GRIN2A: variants seen among roughly 807,000 people sequenced by gnomAD.
GRIN2A encodes the protein glutamate receptor ionotropic, NMDA 2A.
A neutral mutation model predicts 113.4 loss-of-function variants in GRIN2A; 22 were observed. The observed-to-expected ratio is 0.19, with a 90% confidence interval of 0.14 to 0.28. The LOEUF (loss-of-function observed/expected upper bound fraction) is 0.28, where lower values mean the gene tolerates loss of function less well. Among genes scored for constraint, GRIN2A ranks in the 10% least tolerant of loss-of-function variants. The pLI is 1.00. For missense variants in GRIN2A, 1,502 were observed against 1,887.0 expected (o/e 0.80, Z 3.78); for synonymous variants, 827 against 738.4 (o/e 1.12, Z -1.94).
At chr16:10,110,830 G>C (rs548326617) in intron 2 of GRIN2A, among the ~76,000 whole-genome samples, 120 of 152,334 alleles carry the variant, frequency 7.9e-4, no homozygotes, top group South Asian at 2.3e-3. Context: ...AAAGATGAAA[G>C]GAGCTGAGCC....
chr16:10,045,712 C>A (rs2047246332), intron 2 of GRIN2A, among the ~76,000 whole-genome samples: 1 of 152,250 alleles, frequency 6.6e-6, no homozygotes, highest in Non-Finnish European at 1.5e-5. Context: ...CATCAGTCAT[C>A]AAAAATGTGC....
In GRIN2A at chr16:9,846,035, A is replaced by C. The variant is rs567753622; in HGVS notation, c.1328+3721T>G. 9.8e-5 allele frequency among the ~76,000 whole-genome samples: 15 copies of C among 152,360 alleles called. No individual in the cohort carries two copies. The South Asian group carries it at 3.1e-3, about 32-fold the overall frequency. On this transcript the variant is annotated intron_variant, in intron 5 of 12. Transcript: ENST00000330684. Reference sequence around the variant, plus strand: ...GTATTAAAACAATTTATTTATAACAATTTTACTTATAACAATGTCTGTGTT... The same window carrying C: ...GTATTAAAACAATTTATTTATAACACTTTTACTTATAACAATGTCTGTGTT...
chr16:10,062,970 A>C (rs2047574428), intron 2 of GRIN2A, among the ~76,000 whole-genome samples: 1 of 152,202 alleles, frequency 6.6e-6, no homozygotes, highest in African/African-American at 2.4e-5. Context: ...ACATGGAATC[A>C]ACCTAGGTGC....
intron 2 of GRIN2A, among the ~76,000 whole-genome samples, chr16:10,081,826 T>A (rs929237794): frequency 6.6e-6 from 1 of 152,082 alleles, no homozygotes; most frequent in Non-Finnish European, 1.5e-5. Context: ...TTAAAATAAG[T>A]AGGAACCTCC....
intron 3 of GRIN2A, among the ~76,000 whole-genome samples, chr16:9,912,210 AATG>A (rs1328741057): frequency 6.6e-6 from 1 of 152,088 alleles, no homozygotes; most frequent in African/African-American, 2.4e-5. Context: ...TAATTATGGC[AATG>A]ATGATGATGG....
intron 2 of GRIN2A, among the ~76,000 whole-genome samples, chr16:10,034,448 C>T (rs2046986320): frequency 6.7e-6 from 1 of 149,752 alleles, no homozygotes; most frequent in Non-Finnish European, 1.5e-5. Flanking sequence ...GTGCTTGAAC[C>T]CAGGAGGCGG....
intron 2 of GRIN2A, among the ~76,000 whole-genome samples, chr16:9,964,863 A>G (rs1366395333): frequency 1.3e-5 from 2 of 152,224 alleles, no homozygotes; most frequent in African/African-American, 4.8e-5. Context: ...ACATATTCAC[A>G]GCATGGACAT....
intron 10 of GRIN2A, among the ~76,000 whole-genome samples, chr16:9,809,180 G>A (rs1176935763): frequency 2.0e-5 from 3 of 152,206 alleles, no homozygotes; most frequent in Non-Finnish European, 4.4e-5. Context: ...AGCACTTTGG[G>A]AGGCCGAAGT....
chr16:9,919,847 C>T (rs942295525), intron 3 of GRIN2A, among the ~76,000 whole-genome samples: 7 of 152,200 alleles, frequency 4.6e-5, no homozygotes. Context: ...AGCAATTTCC[C>T]AGTTCCAGGT....
intron 2 of GRIN2A, chr16:10,112,574 G>A: frequency 2.6e-6 from 2 of 772,516 alleles, no homozygotes; most frequent in East Asian, 2.5e-5. Context: ...CCAGCGGCGA[G>A]TACTTCTTCT....
chr16:10,176,458 G>A (rs549325986), intron 2 of GRIN2A, among the ~76,000 whole-genome samples: 2 of 152,138 alleles, frequency 1.3e-5, no homozygotes, highest in South Asian at 2.1e-4. Context: ...TTTCTTCAAT[G>A]GTCAAGTAGA....
chr16:9,990,540 T>C (rs1050877225), intron 2 of GRIN2A, among the ~76,000 whole-genome samples: 1 of 139,274 alleles, frequency 7.2e-6, no homozygotes, highest in African/African-American at 2.7e-5. Context: ...AATCTCTCTC[T>C]CTACACGCGC....
intron 4 of GRIN2A, among the ~76,000 whole-genome samples, chr16:9,863,409 T>C (rs1422047629): frequency 1.3e-5 from 2 of 152,162 alleles, no homozygotes; most frequent in Admixed American, 1.3e-4. Flanking sequence ...GTGCTTTTAC[T>C]CATGACAGTT....
chr16:9,812,089 G>A (rs1004113230), intron 10 of GRIN2A, among the ~76,000 whole-genome samples: 1 of 152,164 alleles, frequency 6.6e-6, no homozygotes, highest in Non-Finnish European at 1.5e-5. Context: ...GGCCTTAATT[G>A]TGGAATATTA....
chr16:9,862,622 C>T (rs1291799163), intron 4 of GRIN2A, among the ~76,000 whole-genome samples: 4 of 152,158 alleles, frequency 2.6e-5, no homozygotes, highest in African/African-American at 7.2e-5. Context: ...CCTTTGTTGC[C>T]AGATCCCTGG....
At chr16:10,078,470 G>A (rs1169041499) in intron 2 of GRIN2A, among the ~76,000 whole-genome samples, 2 of 71,016 alleles carry the variant, frequency 2.8e-5, no homozygotes, top group African/African-American at 9.0e-5. Context: ...AGACAAGGGG[G>A]GAAAAGCAGA....
chr16:9,893,399 C>T (rs1416865488), intron 3 of GRIN2A, among the ~76,000 whole-genome samples: 1 of 152,164 alleles, frequency 6.6e-6, no homozygotes, highest in Non-Finnish European at 1.5e-5. Context: ...AGGATAATCA[C>T]TATTCTATCT....
intron 2 of GRIN2A, among the ~76,000 whole-genome samples, chr16:10,078,781 A>T (rs1185101872): frequency 2.0e-5 from 3 of 152,164 alleles, no homozygotes; most frequent in Non-Finnish European, 4.4e-5. Flanking sequence ...TGATGTCACC[A>T]CTACCCCCTC....
chr16:10,129,819 C>T (rs370392853), intron 2 of GRIN2A, among the ~76,000 whole-genome samples: 33 of 152,166 alleles, frequency 2.2e-4, no homozygotes, highest in African/African-American at 7.2e-4. Flanking sequence ...ACTCACTCGA[C>T]CAGCGAGGTC....
Sources: gnomAD v4.1 joint callset for allele counts (sites outside exome capture counted in the v4.1 genomes callset) on GRCh38, gnomAD v4.1.1 for gene constraint, MANE v1.5 for transcripts, NCBI Gene and HGNC (gene_info 2026-07-23, HGNC 2026-07-21) for gene names.